Variants in SPMIP4 observed in about 807,000 individuals in gnomAD.
SPMIP4 encodes the protein sperm microtubule inner protein 4.
At chr7:25,179,543 C>T in the SPMIP4 span, 13 of 370,734 alleles carry the variant, frequency 3.5e-5, no homozygotes, top group Non-Finnish European at 6.3e-5. Context: ...TGGACGGTGC[C>T]TCCAAGTAGT....
chr7:25,139,413 T>C, the SPMIP4 span, among the ~76,000 whole-genome samples: 2 of 152,160 alleles, frequency 1.3e-5, no homozygotes, highest in Non-Finnish European at 2.9e-5. Context: ...CATTTTTTTT[T>C]TTACTTTTCT....
At chr7:25,158,368 CAAAAAAAA>C in the SPMIP4 span, 6 of 298,644 alleles carry the variant, frequency 2.0e-5, no homozygotes, top group Non-Finnish European at 2.9e-5. Flanking sequence ...GACTCTGTCT[CAAAAAAAA>C]AAAAAAAAAA....
At chr7:25,162,195 T>C in the SPMIP4 span, among the ~76,000 whole-genome samples, 1 of 149,710 alleles carries the variant, frequency 6.7e-6, no homozygotes, top group African/African-American at 2.5e-5. Context: ...TGCTTGAACC[T>C]GGGAGGCAGA....
At chr7:25,157,913 T>C in the SPMIP4 span, among the ~76,000 whole-genome samples, 2 of 152,110 alleles carry the variant, frequency 1.3e-5, no homozygotes, top group East Asian at 1.9e-4. Context: ...CTGCGTGTGA[T>C]GTATATGGGA....
chr7:25,171,567 TA>T, the SPMIP4 span, among the ~76,000 whole-genome samples: 6 of 151,892 alleles, frequency 4.0e-5, no homozygotes, highest in Non-Finnish European at 4.4e-5. Context: ...TGAAAACAAC[TA>T]AAAATACTGG....
the SPMIP4 span, chr7:25,151,525 G>C: frequency 1.0e-6 from 1 of 988,594 alleles, no homozygotes; most frequent in Non-Finnish European, 1.5e-6. Flanking sequence ...GTCAAGCCTA[G>C]ATTTTTATAA....
At chr7:25,138,450 C>CT in the SPMIP4 span, among the ~76,000 whole-genome samples, 5 of 152,304 alleles carry the variant, frequency 3.3e-5, no homozygotes, top group African/African-American at 1.2e-4. The surrounding 1 kb of genome is among the most constrained non-coding windows in gnomAD (Gnocchi z 6.2). Context: ...AGGCTGGTCT[C>CT]TAACTACTAG....
chr7:25,145,054 C>CTGCCT, the SPMIP4 span, among the ~76,000 whole-genome samples: 1 of 151,696 alleles, frequency 6.6e-6, no homozygotes. Flanking sequence ...CCTATGCCTC[C>CTGCCT]CGGGTTCAAG....
At chr7:25,142,326 C>T in the SPMIP4 span, 296 of 1,601,188 alleles carry the variant, frequency 1.8e-4, 1 homozygote, top group South Asian at 2.9e-3. Context: ...GTCCATGGGC[C>T]CCAGACCTTA....
At chr7:25,146,214 C>T in the SPMIP4 span, among the ~76,000 whole-genome samples, 1 of 152,110 alleles carries the variant, frequency 6.6e-6, no homozygotes, top group Non-Finnish European at 1.5e-5. Context: ...TTTTTGGCCT[C>T]TAGTCAGGGC....
chr7:25,129,851 AAG>A, the SPMIP4 span, among the ~76,000 whole-genome samples: 1 of 151,966 alleles, frequency 6.6e-6, no homozygotes, highest in Non-Finnish European at 1.5e-5. Flanking sequence ...GGAGCAGAGA[AAG>A]AGTTTAATTA....
At chr7:25,130,840 G>C in the SPMIP4 span, among the ~76,000 whole-genome samples, 1 of 152,224 alleles carries the variant, frequency 6.6e-6, no homozygotes, top group Non-Finnish European at 1.5e-5. Context: ...AGCTTGTGAG[G>C]TTAGAAGCAA....
the SPMIP4 span, among the ~76,000 whole-genome samples, chr7:25,143,510 G>C: frequency 1.3e-5 from 2 of 151,844 alleles, no homozygotes; most frequent in African/African-American, 4.8e-5. Context: ...GCTAGTAGGG[G>C]AGATAAACCA....
chr7:25,136,692 T>A, the SPMIP4 span: 2 of 1,614,176 alleles, frequency 1.2e-6, no homozygotes, highest in Non-Finnish European at 1.7e-6. This position sits in a 1 kb window ranked among gnomAD's most constrained non-coding sequence, Gnocchi z 5.7. Flanking sequence ...AACGTGGTCT[T>A]TGCTGGACTA....
At chr7:25,159,917 T>C in the SPMIP4 span, among the ~76,000 whole-genome samples, 1 of 152,144 alleles carries the variant, frequency 6.6e-6, no homozygotes, top group South Asian at 2.1e-4. Context: ...ATTATTCTTA[T>C]GTGACAAATT....
At chr7:25,153,549 G>A in the SPMIP4 span, among the ~76,000 whole-genome samples, 2 of 138,254 alleles carry the variant, frequency 1.4e-5, no homozygotes, top group Admixed American at 7.4e-5. Context: ...GGGCAACAGA[G>A]CAAGACTCCG....
the SPMIP4 span, among the ~76,000 whole-genome samples, chr7:25,129,401 C>T: frequency 5.3e-4 from 80 of 152,294 alleles, 1 homozygote; most frequent in African/African-American, 1.9e-3. Flanking sequence ...TTGTTTTTCA[C>T]TGTGACAGGG....
the SPMIP4 span, chr7:25,155,049 G>T: frequency 6.2e-7 from 1 of 1,614,006 alleles, no homozygotes; most frequent in Non-Finnish European, 8.5e-7. Flanking sequence ...AGCCTTGGTT[G>T]GCACCGTGGG....
the SPMIP4 span, among the ~76,000 whole-genome samples, chr7:25,127,486 T>C: frequency 6.6e-6 from 1 of 152,344 alleles, no homozygotes; most frequent in Non-Finnish European, 1.5e-5. Context: ...GACTGCATTT[T>C]TTAGTACGTT....
Sources: allele counts gnomAD v4.1 joint callset (sites outside exome capture counted in the v4.1 genomes callset), GRCh38; gene constraint gnomAD v4.1.1; non-coding constraint Gnocchi (gnomAD v3.1); transcripts MANE v1.5; gene names NCBI Gene and HGNC (gene_info 2026-07-23, HGNC 2026-07-21).